CD200R1: variants seen among roughly 807,000 people sequenced by gnomAD.
CD200R1 encodes the protein CD200 receptor 1, also known as cell surface glycoprotein CD200 receptor 1.
CD200R1 carries 30 observed loss-of-function variants against 38.1 expected under a neutral mutation model. The ratio of observed to expected loss-of-function variants is 0.79; its 90% confidence interval spans 0.59 to 1.07. The LOEUF is 1.07. Among genes scored for constraint, CD200R1 ranks in the 50% least tolerant of loss-of-function variants. The pLI, the probability that CD200R1 is intolerant of heterozygous loss-of-function variation, is 0.00. For missense variants in CD200R1, 372 were observed against 415.4 expected (o/e 0.90, Z 0.91); for synonymous variants, 128 against 152.1 (o/e 0.84, Z 1.16).
At chr3:112,949,498 C>G (rs1302419293) in intron 1 of CD200R1, among the ~76,000 whole-genome samples, 1 of 152,140 alleles carries the variant, frequency 6.6e-6, no homozygotes, top group African/African-American at 2.4e-5. Flanking sequence ...CTATAACTAG[C>G]AGATATGATT....
At chr3:112,931,220 G>T in intron 2 of CD200R1, 49 bp from the exon 3 acceptor site, 3 of 1,191,824 alleles carry the variant, frequency 2.5e-6, no homozygotes, top group Non-Finnish European at 3.8e-6. Context: ...TATGTACTCA[G>T]AGTGGAAGCC....
At position 112,928,924 on chromosome 3, in the gene CD200R1, C is replaced by T. The variant is rs1376057755; in HGVS notation, c.661G>A (p.Val221Met). The T allele has an allele frequency of 1.9e-6, 3 of 1,613,862 alleles. No homozygotes were observed. The African/African-American group carries it at 4.0e-5, about 22-fold the overall frequency. Residue 221 changes from valine to methionine, a missense_variant, in exon 5 of 8, where the codon GTG becomes ATG. Coordinates refer to ENST00000308611, the MANE Select transcript of CD200R1 (RefSeq NM_138806.4). ...CAGTGGCATGTACTCTTAACAGTCA[C>T]TGTGCCATTGCTCCAGTATTCTTGC... ...TKQEYWSNGT[V>M]TVKSTCHWEV...
At chr3:112,932,198 A>G (rs1056628796) in intron 2 of CD200R1, among the ~76,000 whole-genome samples, 1 of 152,104 alleles carries the variant, frequency 6.6e-6, no homozygotes, top group African/African-American at 2.4e-5. Context: ...CTTTTGAAGT[A>G]CACCGTGTCC....
At chr3:112,945,924 T>G (rs917752325) in intron 2 of CD200R1, among the ~76,000 whole-genome samples, 1 of 149,686 alleles carries the variant, frequency 6.7e-6, no homozygotes, top group African/African-American at 2.5e-5. Context: ...GCTACTCTAC[T>G]CCGGAGGCTG....
chr3:112,933,277 C>G (rs2107309070), intron 2 of CD200R1, among the ~76,000 whole-genome samples: 1 of 152,294 alleles, frequency 6.6e-6, no homozygotes, highest in African/African-American at 2.4e-5. Flanking sequence ...TGCTTGTGCC[C>G]AGGGCCAGAG....
At chr3:112,953,244 T>G (rs1941010639) in intron 1 of CD200R1, among the ~76,000 whole-genome samples, 2 of 152,220 alleles carry the variant, frequency 1.3e-5, no homozygotes, top group Admixed American at 1.3e-4. Flanking sequence ...TCTGTTCCTG[T>G]GATGTCTCAT....
chr3:112,942,030 C>T (rs1431841356), intron 2 of CD200R1, among the ~76,000 whole-genome samples: 1 of 151,494 alleles, frequency 6.6e-6, no homozygotes, highest in African/African-American at 2.4e-5. Flanking sequence ...TGTTCTCAGA[C>T]AAACAAAAAT....
intron 1 of CD200R1, among the ~76,000 whole-genome samples, chr3:112,966,340 A>G (rs1933161819): frequency 1.3e-5 from 2 of 152,222 alleles, no homozygotes; most frequent in African/African-American, 4.8e-5. Context: ...TTTAGGCTCT[A>G]TAGGGAGTTC....
Position 112,967,709 on chromosome 3 carries a change from C to T in CD200R1, c.67+7082G>A, listed in dbSNP as rs1435155553. ...ATTTTTCCTAAGCAAGAATCTCAAA[C>T]ATTTAGCTGAAATTTGTCCCCACTT... is the stretch of plus-strand genomic sequence containing the variant. On this transcript the variant is annotated intron_variant, in intron 1 of 7. Transcript: ENST00000308611. 2.6e-5 allele frequency among the ~76,000 whole-genome samples: 4 copies of T among 152,190 alleles called. No individual in the cohort carries two copies. The South Asian group carries it at 6.2e-4, about 24-fold the overall frequency.
At chr3:112,944,611 A>G (rs992181438) in intron 2 of CD200R1, among the ~76,000 whole-genome samples, 1 of 152,078 alleles carries the variant, frequency 6.6e-6, no homozygotes, top group Non-Finnish European at 1.5e-5. Flanking sequence ...TGCTTTTCTA[A>G]CTAATTCACC....
rs1212749741 is a variant in CD200R1, at chr3:112,965,762, A to T, written c.67+9029T>A. Among the ~76,000 whole-genome samples the T allele has an allele frequency of 2.6e-5, 4 of 152,074 alleles. No individual in the cohort carries two copies. The East Asian group carries it at 5.8e-4, about 22-fold the overall frequency. On this transcript the variant is annotated intron_variant, in intron 1 of 7. Transcript: ENST00000308611. ...GCGACAGAGTGAGACTCCATCTCAA[A>T]AGAAAAAAAAAAGATATTTAATAAT...
At chr3:112,945,848 T>A (rs2107322223) in intron 2 of CD200R1, among the ~76,000 whole-genome samples, 1 of 151,836 alleles carries the variant, frequency 6.6e-6, no homozygotes, top group East Asian at 1.9e-4. Flanking sequence ...GCTAACACGG[T>A]GAAACCCCGT....
At chr3:112,956,838 G>T (rs887406630) in intron 1 of CD200R1, among the ~76,000 whole-genome samples, 1 of 152,180 alleles carries the variant, frequency 6.6e-6, no homozygotes, top group Non-Finnish European at 1.5e-5. Flanking sequence ...ATGCCAAGTA[G>T]CCACTGAGGC....
intron 3 of CD200R1, 68 bp downstream of exon 3, chr3:112,931,038 G>T: frequency 1.8e-6 from 2 of 1,121,794 alleles, no homozygotes; most frequent in Non-Finnish European, 2.7e-6. Context: ...CAGGTCATTA[G>T]CTAATATTTC....
chr3:112,929,929 C>T (rs925979639), intron 3 of CD200R1, among the ~76,000 whole-genome samples: 1 of 152,000 alleles, frequency 6.6e-6, no homozygotes, highest in African/African-American at 2.4e-5. Context: ...TCCTCCTCAG[C>T]TTTGGTGAGC....
At chr3:112,973,868 A>G (rs1352623083) in intron 1 of CD200R1, among the ~76,000 whole-genome samples, 1 of 152,210 alleles carries the variant, frequency 6.6e-6, no homozygotes, top group Non-Finnish European at 1.5e-5. Context: ...CAGTGAAACC[A>G]GGACACCCCC....
At chr3:112,924,649 TAATA>T in intron 6 of CD200R1, 114 bp from the exon 7 acceptor site, 1 of 611,426 alleles carries the variant, frequency 1.6e-6, no homozygotes, top group Non-Finnish European at 2.3e-6. Context: ...ATAGAAGCCA[TAATA>T]AATCAGAAAG....
At chr3:112,972,925 A>G (rs535224749) in intron 1 of CD200R1, among the ~76,000 whole-genome samples, 2 of 152,306 alleles carry the variant, frequency 1.3e-5, no homozygotes, top group African/African-American at 4.8e-5. Context: ...ATTCTAAATC[A>G]TGTCATGGTT....
intron 2 of CD200R1, among the ~76,000 whole-genome samples, chr3:112,945,142 T>G (rs1421827820): frequency 6.6e-6 from 1 of 152,176 alleles, no homozygotes; most frequent in Non-Finnish European, 1.5e-5. Flanking sequence ...AAGTCCCAGT[T>G]TTTCCCAACT....
Sources: gnomAD v4.1 joint callset for allele counts (sites outside exome capture counted in the v4.1 genomes callset) on GRCh38, gnomAD v4.1.1 for gene constraint, MANE v1.5 for transcripts, NCBI Gene and HGNC (gene_info 2026-07-23, HGNC 2026-07-21) for gene names.